Variants in ERI1 observed in about 807,000 individuals in gnomAD.
The protein encoded by ERI1 is 3'-5' exoribonuclease 1.
Under a neutral mutation model 39.7 loss-of-function variants are expected in ERI1, and 39 were observed. The ratio of observed to expected loss-of-function variants is 0.98; its 90% CI spans 0.76 to 1.28. ERI1 has a LOEUF of 1.28. Among genes scored for constraint, ERI1 ranks in the 50% most tolerant of loss-of-function variants. The pLI is 0.00. For synonymous variants in ERI1, 204 were observed against 149.6 expected (o/e 1.36, Z -2.65); for missense variants, 581 against 416.9 (o/e 1.39, Z -3.43).
intron 3 of ERI1, among the ~76,000 whole-genome samples, chr8:9,071,607 C>G (rs928982336): frequency 1.3e-5 from 2 of 152,228 alleles, no homozygotes; most frequent in South Asian, 2.1e-4. Flanking sequence ...TAATTGACTC[C>G]TTTAACTTGG....
chr8:9,020,192 A>T (rs951934567), intron 5 of ERI1, among the ~76,000 whole-genome samples, 158 bp from the exon 6 acceptor site: 1 of 152,166 alleles, frequency 6.6e-6, no homozygotes, highest in African/African-American at 2.4e-5. Context: ...CTTAATTTTG[A>T]ATTAGTATTT....
intron 1 of ERI1, among the ~76,000 whole-genome samples, chr8:9,005,514 GTTTTTT>G (rs60847461): frequency 7.6e-6 from 1 of 130,818 alleles, no homozygotes; most frequent in African/African-American, 2.8e-5. Flanking sequence ...GTTTTTTTAT[GTTTTTT>G]TTTTTTTTTT....
intron 3 of ERI1, among the ~76,000 whole-genome samples, chr8:9,056,550 T>C (rs1798513963): frequency 6.6e-6 from 1 of 152,206 alleles, no homozygotes; most frequent in Non-Finnish European, 1.5e-5. Context: ...ACATTTAAGG[T>C]AAATTCCCAC....
intron 6 of ERI1, among the ~76,000 whole-genome samples, chr8:9,023,611 C>G (rs946820653): frequency 6.6e-6 from 1 of 151,726 alleles, no homozygotes; most frequent in Non-Finnish European, 1.5e-5. Flanking sequence ...TTCCCCTCTT[C>G]GTAATAGATA....
At chr8:9,081,542 T>G (rs1385236039) in intron 3 of ERI1, among the ~76,000 whole-genome samples, 4 of 152,310 alleles carry the variant, frequency 2.6e-5, no homozygotes, top group Admixed American at 2.6e-4. Flanking sequence ...TCCCCTGATA[T>G]GTTCCCTGGG....
At chr8:9,060,138 G>T (rs182467211) in intron 3 of ERI1, among the ~76,000 whole-genome samples, 151 of 152,226 alleles carry the variant, frequency 9.9e-4, no homozygotes, top group African/African-American at 3.1e-3. Context: ...TAAGGGGTAC[G>T]AAGTTTCCAC....
chr8:9,016,527 G>T, intron 4 of ERI1, 122 bp downstream of exon 4: 3 of 423,748 alleles, frequency 7.1e-6, no homozygotes, highest in African/African-American at 2.1e-5. Flanking sequence ...GCTTGGTAAA[G>T]ATCTTTCATG....
At chr8:9,036,507 C>A (rs1265527866), downstream of ERI1, among the ~76,000 whole-genome samples, 1 of 152,188 alleles carries the variant, frequency 6.6e-6, no homozygotes, top group African/African-American at 2.4e-5. Context: ...AGACATAATG[C>A]TTTTGCACAC....
intron 6 of ERI1, among the ~76,000 whole-genome samples, chr8:9,026,431 C>T (rs1242366671): frequency 1.3e-5 from 2 of 152,162 alleles, no homozygotes; most frequent in Admixed American, 6.5e-5. Context: ...ATTCTTCTGT[C>T]TCTATCAGTT....
intron 3 of ERI1, among the ~76,000 whole-genome samples, chr8:9,083,558 C>G (rs1799433068): frequency 6.6e-6 from 1 of 151,392 alleles, no homozygotes; most frequent in South Asian, 2.1e-4. Context: ...AACTCATAAT[C>G]AATACTGCCT....
At chr8:9,067,497 A>T (rs1393281337) in intron 3 of ERI1, among the ~76,000 whole-genome samples, 1 of 151,876 alleles carries the variant, frequency 6.6e-6, no homozygotes, top group Non-Finnish European at 1.5e-5. Context: ...TCTACAAAAG[A>T]TGCAAAAATT....
At chr8:9,063,775 T>C (rs1798779856) in intron 3 of ERI1, among the ~76,000 whole-genome samples, 1 of 152,196 alleles carries the variant, frequency 6.6e-6, no homozygotes, top group South Asian at 2.1e-4. Flanking sequence ...TGCCGTTTTC[T>C]GGCTATTTGG....
chr8:9,062,478 G>A (rs932871132), intron 3 of ERI1, among the ~76,000 whole-genome samples: 2 of 150,636 alleles, frequency 1.3e-5, no homozygotes, highest in African/African-American at 4.8e-5. Context: ...TTCTAAGTTG[G>A]CACCAGAGTT....
chr8:9,003,407 A>G (rs1274232695), intron 1 of ERI1, among the ~76,000 whole-genome samples: 1 of 152,220 alleles, frequency 6.6e-6, no homozygotes, highest in Non-Finnish European at 1.5e-5. Context: ...TTCTGTCTAC[A>G]GTGGGTTAAC....
chr8:9,073,283 A>G (rs187964427), intron 3 of ERI1, among the ~76,000 whole-genome samples: 32 of 152,380 alleles, frequency 2.1e-4, no homozygotes, highest in Admixed American at 2.0e-3. Flanking sequence ...ATCGTCCCGA[A>G]CATGCAAGAC....
In ERI1 at chr8:9,031,313, A is replaced by G. The variant is rs1797573197; in HGVS notation, c.*1279A>G. ...ATTTTTCTTGGCGTGGGAATTCTCT[A>G]CATAGGGCAGTAGATTTCTTAAGCC... On this transcript the variant is annotated 3_prime_UTR_variant, in exon 7 of 7. Coordinates refer to ENST00000250263, the MANE Select transcript of ERI1 (RefSeq NM_153332.4). 6.6e-6 allele frequency: 1 copy of G among 152,224 alleles called. No individual in the cohort carries two copies. The highest frequency in any genetic ancestry group is 1.5e-5 in the Non-Finnish European group (1 of 68,036). 9.4% of individuals were successfully genotyped at this position (152,224 alleles called of 1,614,324 possible).
rs116285548 is a variant in ERI1, at chr8:9,040,317, G to A, written n.299+19853G>A. Among the ~76,000 whole-genome samples the A allele has an allele frequency of 1.9e-3, 293 of 152,182 alleles. 1 individual carries two copies. The highest frequency in any genetic ancestry group is 6.6e-3 in the African/African-American group (276 of 41,520). On this transcript the variant is annotated intron_variant and non_coding_transcript_variant, in intron 3 of 3. Transcript: ENST00000518663. ...TCCCCATTTCTAAATCCCCTTTTAC[G>A]GAAGTTTAGAACGGGGAAAGTCACA... is the stretch of plus-strand genomic sequence containing the variant.
chr8:9,012,770 C>A (rs1816798842), intron 3 of ERI1, among the ~76,000 whole-genome samples: 2 of 152,188 alleles, frequency 1.3e-5, no homozygotes, highest in East Asian at 1.9e-4. Flanking sequence ...ATTTTTCACA[C>A]TGTGTAAAAA....
intron 3 of ERI1, among the ~76,000 whole-genome samples, chr8:9,079,687 GT>G (rs1799313269): frequency 6.6e-6 from 1 of 152,102 alleles, no homozygotes; most frequent in African/African-American, 2.4e-5. Flanking sequence ...AGGTTTGTTT[GT>G]TTTTTGAGAC....
Sources: gnomAD v4.1 joint callset for allele counts (sites outside exome capture counted in the v4.1 genomes callset) on GRCh38, gnomAD v4.1.1 for gene constraint, MANE v1.5 for transcripts, NCBI Gene and HGNC (gene_info 2026-07-23, HGNC 2026-07-21) for gene names.